CD109: variants seen among roughly 807,000 people sequenced by gnomAD.
The protein encoded by CD109 is CD109 antigen.
A neutral mutation model predicts 165.8 loss-of-function variants in CD109; 149 were observed. The ratio of observed to expected loss-of-function variants is 0.90; its 90% CI spans 0.79 to 1.03. The LOEUF is 1.03. Among genes scored for constraint, CD109 ranks in the 50% least tolerant of loss-of-function variants. The probability of loss-of-function intolerance (pLI) is 0.00; values close to 1 mark genes in which losing one functional copy is unlikely to be tolerated. For missense variants in CD109, 1,712 were observed against 1,677.8 expected (o/e 1.02, Z -0.36); for synonymous variants, 585 against 592.1 (o/e 0.99, Z 0.18).
At chr6:73,698,518 T>TA (rs961604887) in intron 2 of CD109, among the ~76,000 whole-genome samples, 50 of 149,046 alleles carry the variant, frequency 3.4e-4, no homozygotes, top group East Asian at 9.7e-4. Flanking sequence ...AAGAGTTATT[T>TA]AAAAAAAAAA....
intron 30 of CD109, among the ~76,000 whole-genome samples, chr6:73,816,396 A>C (rs1775938083): frequency 1.3e-5 from 2 of 152,090 alleles, no homozygotes; most frequent in Non-Finnish European, 2.9e-5. Flanking sequence ...GGCACCAAAC[A>C]CTTTTACATG....
At chr6:73,713,451 C>T (rs886235286) in intron 2 of CD109, among the ~76,000 whole-genome samples, 3 of 151,772 alleles carry the variant, frequency 2.0e-5, no homozygotes, top group Admixed American at 1.3e-4. Flanking sequence ...TGGGGTCACA[C>T]GATGTTGCCC....
intron 21 of CD109, among the ~76,000 whole-genome samples, chr6:73,788,097 G>A (rs1245878737): frequency 2.0e-5 from 3 of 152,074 alleles, no homozygotes; most frequent in African/African-American, 4.8e-5. Context: ...AATGGTACGC[G>A]CTGTGTCATC....
the CD109 span, among the ~76,000 whole-genome samples, chr6:73,687,833 C>G: frequency 1.9e-3 from 291 of 152,294 alleles, 1 homozygote; most frequent in African/African-American, 6.7e-3. Context: ...GAAGGACGTG[C>G]TTTTCCCAGA....
Position 73,736,391 on chromosome 6 carries a change from A to G in CD109, c.516A>G (p.Lys172=). ...TCTGGTTTTCATTTTAGGACCCCAA[A>G]TCAAATTTGATCCAACAGTGGTTGT... ...TSLNILIKDP[K]SNLIQQWLSQ... The change falls in exon 5 of 33, where the codon AAA becomes AAG. Residue 172 remains lysine (K), a synonymous_variant. Coordinates refer to ENST00000287097, the MANE Select transcript of CD109 (RefSeq NM_133493.5). 6.2e-7 allele frequency: 1 copy of G among 1,613,372 alleles called. No homozygotes were observed. Among genetic ancestry groups the G allele is most frequent in the Non-Finnish European group, 8.5e-7 (1 of 1,179,714 alleles).
chr6:73,778,058 A>G (rs905322621), intron 15 of CD109, among the ~76,000 whole-genome samples: 2 of 152,166 alleles, frequency 1.3e-5, no homozygotes, highest in Admixed American at 6.5e-5. Flanking sequence ...ATGTTTTCCC[A>G]TTGGTTTGTT....
rs144024090 is a variant in CD109, at chr6:73,822,944, G to A, written c.4163-514G>A. Among the ~76,000 whole-genome samples the A allele has an allele frequency of 2.9e-3, 437 of 152,296 alleles. 3 individuals carry two copies. Among genetic ancestry groups the A allele is most frequent in the African/African-American group, 0.01 (417 of 41,568 alleles). Reference sequence around the variant, plus strand: ...ACTTTAAGTAGTTTTTGTCATGTTCGCTTTTAGATACTATATGCTGAGTGT... The same window carrying A: ...ACTTTAAGTAGTTTTTGTCATGTTCACTTTTAGATACTATATGCTGAGTGT... On this transcript the variant is annotated intron_variant, in intron 32 of 32. Coordinates refer to ENST00000287097, the MANE Select transcript of CD109 (RefSeq NM_133493.5).
At chr6:73,745,322 C>G (rs1464034049) in intron 5 of CD109, among the ~76,000 whole-genome samples, 2 of 152,220 alleles carry the variant, frequency 1.3e-5, no homozygotes, top group Non-Finnish European at 2.9e-5. Flanking sequence ...CCAGGCTGGT[C>G]TTGAACTCTT....
chr6:73,823,863 C>A lies in CD109; in HGVS notation c.*230C>A. 1 of 365,312 alleles carries A rather than the reference C, an allele frequency of 2.7e-6. No individual in the cohort carries two copies. Among genetic ancestry groups the A allele is most frequent in the Admixed American group, 4.3e-5 (1 of 23,514 alleles). 22.6% of individuals were successfully genotyped at this position (365,312 alleles called of 1,614,324 possible). On this transcript the variant is annotated 3_prime_UTR_variant, in exon 33 of 33. Coordinates refer to ENST00000287097, the MANE Select transcript of CD109 (RefSeq NM_133493.5). The stretch of plus-strand genomic sequence containing the variant: ...ATGCAGTTGTGTGTCTATATTTTCC[C>A]CTCTCAAAATCTTTTAGAATTTTTT...
chr6:73,723,216 T>C (rs1772024269), intron 2 of CD109, 35 bp from the exon 3 acceptor site: 1 of 1,612,380 alleles, frequency 6.2e-7, no homozygotes, highest in Non-Finnish European at 8.5e-7. Flanking sequence ...ATTCAAATTG[T>C]GCTAACTCTG....
At chr6:73,809,078 C>T (rs1032379018) in intron 26 of CD109, among the ~76,000 whole-genome samples, 1 of 151,972 alleles carries the variant, frequency 6.6e-6, no homozygotes, top group Non-Finnish European at 1.5e-5. Flanking sequence ...TTCTTCTTGT[C>T]TGCTTGGCTA....
At chr6:73,688,867 C>G in the CD109 span, among the ~76,000 whole-genome samples, 1 of 144,310 alleles carries the variant, frequency 6.9e-6, no homozygotes, top group African/African-American at 2.5e-5. Flanking sequence ...CTCCCAGACT[C>G]AAGTGATCTT....
chr6:73,748,848 T>G (rs1200417972), intron 5 of CD109, among the ~76,000 whole-genome samples: 1 of 152,192 alleles, frequency 6.6e-6, no homozygotes, highest in Non-Finnish European at 1.5e-5. Flanking sequence ...TTTTCTCTCA[T>G]TTTGCAAACC....
chr6:73,803,689 TTGTGTGTG>T (rs71000156), intron 24 of CD109, among the ~76,000 whole-genome samples: 2 of 149,412 alleles, frequency 1.3e-5, no homozygotes, highest in Admixed American at 6.7e-5. Flanking sequence ...TAGTTTAAGT[TTGTGTGTG>T]TGTGTGTGTG....
chr6:73,816,408 A>T, intron 30 of CD109, among the ~76,000 whole-genome samples: 1 of 152,138 alleles, frequency 6.6e-6, no homozygotes, highest in East Asian at 1.9e-4. Flanking sequence ...TTTTACATGC[A>T]TATCATTTAA....
intron 4 of CD109, 98 bp from the exon 5 acceptor site, chr6:73,736,285 C>A: frequency 7.6e-7 from 1 of 1,315,726 alleles, no homozygotes. Flanking sequence ...AAGTTCTGGA[C>A]CTGGGTGGGA....
At chr6:73,705,327 A>G (rs980945849) in intron 2 of CD109, among the ~76,000 whole-genome samples, 1 of 152,182 alleles carries the variant, frequency 6.6e-6, no homozygotes, top group Non-Finnish European at 1.5e-5. Context: ...AGAAGCTTGG[A>G]AAGAGGAAAA....
At chr6:73,760,279 C>T (rs1037218674) in intron 7 of CD109, among the ~76,000 whole-genome samples, 4 of 151,500 alleles carry the variant, frequency 2.6e-5, no homozygotes, top group Non-Finnish European at 5.9e-5. Flanking sequence ...CGGTGGCGGG[C>T]GCCTGTAGTC....
At chr6:73,752,171 A>C (rs948999524) in intron 5 of CD109, among the ~76,000 whole-genome samples, 1 of 152,190 alleles carries the variant, frequency 6.6e-6, no homozygotes, top group African/African-American at 2.4e-5. Context: ...CTTAGTTTTG[A>C]TTCTGGCATT....
Sources: gnomAD v4.1 joint callset for allele counts (sites outside exome capture counted in the v4.1 genomes callset) on GRCh38, gnomAD v4.1.1 for gene constraint, MANE v1.5 for transcripts, NCBI Gene and HGNC (gene_info 2026-07-23, HGNC 2026-07-21) for gene names.